The following MPDZ variants were observed in gnomAD, a reference collection of about 807,000 sequenced individuals.
The protein encoded by MPDZ is multiple PDZ domain protein.
Under a neutral mutation model 239.1 loss-of-function variants are expected in MPDZ, and 234 were observed. That is an observed-to-expected ratio of 0.98 (90% CI 0.88 to 1.09). MPDZ has a LOEUF of 1.09. MPDZ is among the 50% of genes least tolerant of loss of function. The probability of loss-of-function intolerance (pLI) is 0.00; values close to 1 mark genes in which losing one functional copy is unlikely to be tolerated. For missense variants in MPDZ, 3,175 were observed against 2,510.0 expected (o/e 1.26, Z -5.66); for synonymous variants, 1,048 against 881.3 (o/e 1.19, Z -3.35).
At chr9:13,153,469 G>A (rs1005340596) in intron 24 of MPDZ, among the ~76,000 whole-genome samples, 1 of 151,946 alleles carries the variant, frequency 6.6e-6, no homozygotes, top group Non-Finnish European at 1.5e-5. Context: ...TTTGAGACAG[G>A]GTCTCATTCT....
Position 13,136,738 on chromosome 9 carries a change from A to G in MPDZ, c.4266T>C (p.Pro1422=), listed in dbSNP as rs1946874566. The G allele has an allele frequency of 3.1e-6, 5 of 1,598,898 alleles. No individual in the cohort carries two copies. Among genetic ancestry groups the G allele is most frequent in the East Asian group, 4.5e-5 (2 of 44,514 alleles). The change falls in exon 30 of 47, where the codon CCT becomes CCC. Residue 1422 remains proline (P), a synonymous_variant. Transcript: ENST00000319217. ...TGATAAAAATTATTTTCACTTTAGA[A>G]GGGGCACATTTAATGATTGATGAGG... is the stretch of plus-strand genomic sequence containing the variant. ...QNASSIIKCA[P]SKVKIIFIRN...
chr9:13,145,958 A>C (rs543079564), intron 26 of MPDZ, among the ~76,000 whole-genome samples: 8 of 152,046 alleles, frequency 5.3e-5, no homozygotes, highest in Admixed American at 2.0e-4. Flanking sequence ...CCCACACACA[A>C]AAAAAATAGC....
At chr9:13,239,213 A>G (rs1439332880) in intron 3 of MPDZ, among the ~76,000 whole-genome samples, 1 of 152,194 alleles carries the variant, frequency 6.6e-6, no homozygotes, top group African/African-American at 2.4e-5. Flanking sequence ...TCAGATAATC[A>G]TAAGAAGCCC....
chr9:13,279,295 C>A (rs1363567079), intron 1 of MPDZ, 105 bp downstream of exon 1: 1 of 139,772 alleles, frequency 7.2e-6, no homozygotes, highest in Non-Finnish European at 1.6e-5. Context: ...CCACCCCCAC[C>A]CCCAAGCGCC....
chr9:13,135,841 T>C (rs1360233086), intron 31 of MPDZ: 2 of 299,572 alleles, frequency 6.7e-6, no homozygotes, highest in Non-Finnish European at 6.1e-6. Context: ...CAATTTCTTT[T>C]CAGAGGCAGA....
chr9:13,166,957 G>C (rs535529179), intron 22 of MPDZ, among the ~76,000 whole-genome samples: 2 of 152,194 alleles, frequency 1.3e-5, no homozygotes, highest in South Asian at 4.2e-4. Flanking sequence ...CTGAGTGGTA[G>C]GGCTAGTACC....
chr9:13,175,836 T>C lies in MPDZ; in HGVS notation c.2971A>G (p.Asn991Asp). ...TTTTGAAGCATGACACACTCAGCATTACAGGCCAGGGAGCTCTGTTCAAGC... is the reference window on the plus strand; with the variant it reads ...TTTTGAAGCATGACACACTCAGCATCACAGGCCAGGGAGCTCTGTTCAAGC... Reference protein sequence around the residue: ...YLLEQSSLACNAECVMLQNVS... With the variant: ...YLLEQSSLACDAECVMLQNVS... Residue 991 changes from asparagine (N) to aspartate (D), a missense_variant, in exon 21 of 47, where the codon AAT (asparagine) becomes GAT (aspartate). By Grantham distance (23) the Asn-to-Asp change is conservative. Transcript: ENST00000319217. 1 of 1,593,006 alleles carries C rather than the reference T, an allele frequency of 6.3e-7. No individual in the cohort carries two copies. The highest frequency in any genetic ancestry group is 1.1e-5 in the South Asian group (1 of 87,290).
chr9:13,246,174 G>A lies in MPDZ; in HGVS notation c.183+1461C>T, dbSNP rs1026395999. On this transcript the variant is annotated intron_variant, in intron 3 of 46. Transcript: ENST00000319217. ...GTACTGAAAATCAATCTTGCCAGGC[G>A]CGATGGCTCACTCCTGTAATCCCAG... is the stretch of plus-strand genomic sequence containing the variant. Among the ~76,000 whole-genome samples, 14 of 152,224 alleles carry A rather than the reference G, an allele frequency of 9.2e-5. No homozygotes were observed. In the East Asian group the frequency reaches 1.2e-3, roughly 13 times the overall value.
intron 19 of MPDZ, among the ~76,000 whole-genome samples, chr9:13,176,680 C>T (rs1040916589): frequency 2.0e-5 from 3 of 152,038 alleles, no homozygotes; most frequent in Non-Finnish European, 4.4e-5. Flanking sequence ...AGATACTGTA[C>T]GTAAGATCAT....
At chr9:13,204,576 A>G (rs1305326357) in intron 12 of MPDZ, among the ~76,000 whole-genome samples, 2 of 152,170 alleles carry the variant, frequency 1.3e-5, no homozygotes, top group East Asian at 3.9e-4. Context: ...CCCCTGAAAA[A>G]TTAAGAAGTG....
chr9:13,113,236 T>C (rs1942800408), intron 41 of MPDZ, among the ~76,000 whole-genome samples, 182 bp from the exon 42 acceptor site: 2 of 152,154 alleles, frequency 1.3e-5, no homozygotes, highest in South Asian at 2.1e-4. Context: ...ATTTTTCCAG[T>C]TGGAAAAACG....
Position 13,133,902 on chromosome 9 carries a change from T to A in MPDZ, c.4386A>T (p.Thr1462=). Residue 1462 remains threonine (T), a splice_region_variant and synonymous_variant, in exon 32 of 47, where the codon ACA becomes ACT. Coordinates refer to ENST00000319217, the MANE Select transcript of MPDZ (RefSeq NM_001378778.1). The part of the protein sequence containing the change: ...SNSENLQNKE[T]EPTVTTSDAA... ...CATCAGAAGTAGTAACAGTTGGCTCTGTCTGACAGAGGGAAAGAAATGACA... is the reference window on the plus strand; with the variant it reads ...CATCAGAAGTAGTAACAGTTGGCTCAGTCTGACAGAGGGAAAGAAATGACA... 1 of 1,532,510 alleles carries A rather than the reference T, an allele frequency of 6.5e-7. No homozygotes were observed. The allele number at this position is 1,532,510 out of a possible 1,614,324, so 94.9% of individuals were successfully genotyped here.
chr9:13,268,177 TAGAGAG>T (rs907504357), intron 1 of MPDZ, among the ~76,000 whole-genome samples: 1 of 142,502 alleles, frequency 7.0e-6, no homozygotes, highest in Non-Finnish European at 1.6e-5. Flanking sequence ...TATACACACA[TAGAGAG>T]AGAGAGATCT....
rs1029019995 is a variant in MPDZ at position 13,176,340 on chromosome 9, C to A, written c.2727G>T (p.Leu909=). 6.2e-7 allele frequency: 1 copy of A among 1,608,098 alleles called. No homozygotes were observed. Among genetic ancestry groups the A allele is most frequent in the Non-Finnish European group, 8.5e-7 (1 of 1,176,884 alleles). The change falls in exon 20 of 47, where the codon CTG becomes CTT. Residue 909 remains leucine (L), a synonymous_variant. Transcript: ENST00000319217. ...SLEELYTQNL[L]QRQDENTPSV... Reference sequence around the variant, plus strand: ...AAGGTGTATTCTCATCCTGTCTTTGCAGGAGATTCTGGGTATATAGTTCCT... The same window carrying A: ...AAGGTGTATTCTCATCCTGTCTTTGAAGGAGATTCTGGGTATATAGTTCCT...
intron 1 of MPDZ, among the ~76,000 whole-genome samples, chr9:13,256,563 T>C (rs997317161): frequency 6.6e-6 from 1 of 152,172 alleles, no homozygotes; most frequent in South Asian, 2.1e-4. Flanking sequence ...ATTTCAATAC[T>C]GTTCTGTGTC....
At position 13,122,093 on chromosome 9, in the gene MPDZ, G is replaced by A. The variant is rs764600037; in HGVS notation, c.5031C>T (p.Ile1677=). ...AAAAACAGGCATTCTATACCTCTAA[G>A]ATCTGATCTCCAGCCCAGAGTCTTC... The part of the protein sequence containing the change: ...KDGRLWAGDQ[I]LEVNGIDLRK... The change falls in exon 37 of 47, where the codon ATC becomes ATT. Residue 1677 remains isoleucine (I), a synonymous_variant. Coordinates refer to ENST00000319217, the MANE Select transcript of MPDZ (RefSeq NM_001378778.1). 5.9e-5 allele frequency: 95 copies of A among 1,613,852 alleles called. No individual in the cohort carries two copies. Among genetic ancestry groups the A allele is most frequent in the Non-Finnish European group, 6.2e-5 (73 of 1,179,840 alleles).
chr9:13,279,321 G>A (rs1365465923), intron 1 of MPDZ, 79 bp downstream of exon 1: 1 of 128,592 alleles, frequency 7.8e-6, no homozygotes, highest in African/African-American at 2.8e-5. Context: ...CAGGGCGCCC[G>A]CGCACCTTCC....
intron 3 of MPDZ, among the ~76,000 whole-genome samples, chr9:13,246,297 C>T (rs1785697405): frequency 6.6e-6 from 1 of 152,094 alleles, no homozygotes; most frequent in Admixed American, 6.5e-5. Context: ...CAAAAATTAG[C>T]TGGGCGTGGT....
intron 3 of MPDZ, among the ~76,000 whole-genome samples, chr9:13,240,191 T>C (rs1489051785): frequency 6.6e-6 from 1 of 152,040 alleles, no homozygotes; most frequent in Non-Finnish European, 1.5e-5. Context: ...CTGTTCACAA[T>C]CTGCTTAGAG....
Sources: allele counts gnomAD v4.1 joint callset (sites outside exome capture counted in the v4.1 genomes callset), GRCh38; gene constraint gnomAD v4.1.1; transcripts MANE v1.5; gene names NCBI Gene and HGNC (gene_info 2026-07-23, HGNC 2026-07-21).